Variants in DPYD observed in about 807,000 individuals in gnomAD.
The protein encoded by DPYD is dihydropyrimidine dehydrogenase.
DPYD carries 109 observed loss-of-function variants against 116.2 expected under a neutral mutation model. The ratio of observed to expected loss-of-function variants is 0.94; its 90% confidence interval spans 0.80 to 1.10. The LOEUF is 1.10. DPYD is among the 50% of genes least tolerant of loss of function. DPYD has a pLI of 0.00. For synonymous variants in DPYD, 440 were observed against 432.0 expected (o/e 1.02, Z -0.23); for missense variants, 1,302 against 1,254.5 (o/e 1.04, Z -0.57).
chr1:97,588,254 C>T (rs1263045902), intron 10 of DPYD, among the ~76,000 whole-genome samples: 2 of 152,146 alleles, frequency 1.3e-5, no homozygotes, highest in Admixed American at 6.6e-5. Flanking sequence ...CCAGGGGTAG[C>T]ATGCAGGCCC....
intron 13 of DPYD, among the ~76,000 whole-genome samples, chr1:97,491,029 T>C (rs1022280476): frequency 6.7e-6 from 1 of 149,834 alleles, no homozygotes; most frequent in African/African-American, 2.4e-5. Flanking sequence ...AATTTGCAAT[T>C]GTATTTCCAT....
At chr1:97,601,508 T>C (rs144105329) in intron 8 of DPYD, among the ~76,000 whole-genome samples, 14 of 152,108 alleles carry the variant, frequency 9.2e-5, no homozygotes, top group Non-Finnish European at 1.9e-4. Context: ...GAAGATAAGC[T>C]ATTCCTGATT....
intron 5 of DPYD, among the ~76,000 whole-genome samples, chr1:97,706,860 T>C (rs1349057951): frequency 1.3e-5 from 2 of 152,100 alleles, no homozygotes; most frequent in African/African-American, 4.8e-5. Context: ...TTTCAACTCT[T>C]TGGGGTAAAT....
intron 3 of DPYD, among the ~76,000 whole-genome samples, chr1:97,810,137 A>G (rs1198337223): frequency 2.6e-5 from 4 of 151,740 alleles, no homozygotes; most frequent in African/African-American, 9.7e-5. Flanking sequence ...ATACAAAAAA[A>G]TTAGCCGGGT....
At chr1:97,573,739 T>C (rs765837404) in intron 11 of DPYD, 21 bp downstream of exon 11, 64 of 1,613,062 alleles carry the variant, frequency 4.0e-5, no homozygotes, top group Non-Finnish European at 5.3e-5. Flanking sequence ...GCATCACACA[T>C]TTCAGCTCCC....
intron 8 of DPYD, among the ~76,000 whole-genome samples, chr1:97,602,368 A>G (rs79084625): frequency 6.6e-6 from 1 of 152,102 alleles, no homozygotes; most frequent in East Asian, 1.9e-4. Context: ...CTTATATCAG[A>G]CTTCAATTTA....
chr1:97,374,553 T>C (rs1311485840), intron 15 of DPYD, among the ~76,000 whole-genome samples: 1 of 151,514 alleles, frequency 6.6e-6, no homozygotes, highest in Non-Finnish European at 1.5e-5. Context: ...ACTCCGTCTC[T>C]ACTAAAAATA....
chr1:97,129,360 C>T (rs1045867075), intron 20 of DPYD, among the ~76,000 whole-genome samples: 6 of 151,992 alleles, frequency 3.9e-5, no homozygotes, highest in African/African-American at 1.2e-4. Flanking sequence ...GCCACCACAC[C>T]CGGTCCTGCT....
intron 18 of DPYD, among the ~76,000 whole-genome samples, chr1:97,284,248 G>A (rs914416606): frequency 1.3e-5 from 2 of 151,754 alleles, no homozygotes; most frequent in African/African-American, 4.8e-5. Context: ...TTATTTTAAT[G>A]GAACTATTTT....
chr1:97,904,277 T>C (rs993539859), intron 1 of DPYD, among the ~76,000 whole-genome samples: 3 of 152,020 alleles, frequency 2.0e-5, no homozygotes, highest in Non-Finnish European at 4.4e-5. Flanking sequence ...AATGGAATAA[T>C]TCAGAAATGA....
chr1:97,738,152 T>G (rs562948537), intron 4 of DPYD, among the ~76,000 whole-genome samples: 1 of 152,290 alleles, frequency 6.6e-6, no homozygotes, highest in African/African-American at 2.4e-5. Flanking sequence ...AGCCATTTAT[T>G]TCACTATATT....
chr1:97,222,295 AT>A (rs1487139963), intron 19 of DPYD, among the ~76,000 whole-genome samples: 1 of 152,078 alleles, frequency 6.6e-6, no homozygotes, highest in Non-Finnish European at 1.5e-5. Flanking sequence ...AAGGTGAGGA[AT>A]TTTCTGTAGC....
At chr1:97,638,951 C>G (rs1657725638) in intron 8 of DPYD, among the ~76,000 whole-genome samples, 1 of 152,088 alleles carries the variant, frequency 6.6e-6, no homozygotes, top group Non-Finnish European at 1.5e-5. Flanking sequence ...GATAAACATC[C>G]AAACCATATC....
intron 3 of DPYD, among the ~76,000 whole-genome samples, chr1:97,811,261 C>A (rs563527402): frequency 5.0e-4 from 76 of 152,204 alleles, no homozygotes; most frequent in African/African-American, 1.8e-3. Flanking sequence ...TTGATCAGTG[C>A]CACCTGCCTG....
intron 3 of DPYD, among the ~76,000 whole-genome samples, chr1:97,743,431 A>G (rs1664374964): frequency 6.6e-6 from 1 of 152,038 alleles, no homozygotes; most frequent in African/African-American, 2.4e-5. Context: ...TAAAATATCA[A>G]CCACTGCACT....
intron 8 of DPYD, among the ~76,000 whole-genome samples, chr1:97,666,616 T>G (rs1225987938): frequency 6.6e-6 from 1 of 152,062 alleles, no homozygotes; most frequent in Non-Finnish European, 1.5e-5. Flanking sequence ...TTAAAAAAAA[T>G]AACACAAGCA....
At chr1:97,172,555 T>C (rs957303250) in intron 20 of DPYD, among the ~76,000 whole-genome samples, 1 of 152,196 alleles carries the variant, frequency 6.6e-6, no homozygotes, top group African/African-American at 2.4e-5. Context: ...AAATTAAATT[T>C]ATCACTTCAT....
chr1:97,615,914 C>T (rs149508716), intron 8 of DPYD, among the ~76,000 whole-genome samples: 37 of 152,184 alleles, frequency 2.4e-4, no homozygotes, highest in African/African-American at 8.7e-4. Flanking sequence ...AGTTAAGATT[C>T]CCTCTGACTG....
intron 18 of DPYD, chr1:97,295,328 T>G (rs1666456862): frequency 6.8e-6 from 1 of 146,428 alleles, no homozygotes; most frequent in African/African-American, 2.6e-5. Flanking sequence ...TGCTGAGGAA[T>G]GCAGAAATGT....
Sources: allele counts gnomAD v4.1 joint callset (sites outside exome capture counted in the v4.1 genomes callset), GRCh38; gene constraint gnomAD v4.1.1; transcripts MANE v1.5; gene names NCBI Gene and HGNC (gene_info 2026-07-23, HGNC 2026-07-21).